Variants in CSGALNACT1 observed in about 807,000 individuals in gnomAD.
The protein encoded by CSGALNACT1 is chondroitin sulfate N-acetylgalactosaminyltransferase 1, also known as beta4GalNAcT-1.
Under a neutral mutation model 51.0 loss-of-function variants are expected in CSGALNACT1, and 52 were observed. That is an observed-to-expected ratio of 1.02 (90% CI 0.82 to 1.29). CSGALNACT1 has a LOEUF of 1.29. Ranked by LOEUF, CSGALNACT1 falls within the 50% of genes most tolerant of loss-of-function variation. The pLI is 0.00. For synonymous variants in CSGALNACT1, 341 were observed against 254.4 expected (o/e 1.34, Z -3.24); for missense variants, 935 against 679.2 (o/e 1.38, Z -4.19).
chr8:19,464,006 G>T (rs868226351), intron 4 of CSGALNACT1, among the ~76,000 whole-genome samples: 2 of 152,160 alleles, frequency 1.3e-5, no homozygotes, highest in Admixed American at 6.5e-5. Flanking sequence ...GATAAGAAAG[G>T]CACCACTCCT....
At chr8:19,513,506 A>T (rs767615810) in intron 3 of CSGALNACT1, among the ~76,000 whole-genome samples, 20 of 148,670 alleles carry the variant, frequency 1.3e-4, no homozygotes, top group South Asian at 2.1e-4. Flanking sequence ...AGTATATACA[A>T]CCAACACCTA....
chr8:19,609,658 G>C (rs574009193), intron 1 of CSGALNACT1, among the ~76,000 whole-genome samples: 92 of 151,958 alleles, frequency 6.1e-4, no homozygotes, highest in African/African-American at 2.0e-3. Context: ...ATGGGGGTTG[G>C]GGGGTGAGAG....
intron 6 of CSGALNACT1, among the ~76,000 whole-genome samples, chr8:19,435,747 C>T (rs1262799195): frequency 6.6e-6 from 1 of 152,162 alleles, no homozygotes; most frequent in African/African-American, 2.4e-5. Flanking sequence ...CTGAGATTAA[C>T]TGAAGCTTGG....
intron 2 of CSGALNACT1, among the ~76,000 whole-genome samples, chr8:19,598,392 T>C (rs949982521): frequency 3.0e-4 from 45 of 152,238 alleles, no homozygotes; most frequent in African/African-American, 1.0e-3. Context: ...ACAGACTTTA[T>C]GGCACCCCTC....
intron 1 of CSGALNACT1, among the ~76,000 whole-genome samples, chr8:19,711,657 C>G (rs181245702): frequency 6.6e-6 from 1 of 152,278 alleles, no homozygotes; most frequent in Admixed American, 6.5e-5. Context: ...AAGCCTAACA[C>G]CTGGCAGATG....
intron 3 of CSGALNACT1, among the ~76,000 whole-genome samples, chr8:19,532,549 T>G (rs1386227462): frequency 1.3e-5 from 2 of 152,204 alleles, no homozygotes; most frequent in Non-Finnish European, 1.5e-5. Context: ...ATTATAGTTT[T>G]ACTAAACCAT....
chr8:19,511,462 A>G (rs1490777584), intron 3 of CSGALNACT1, among the ~76,000 whole-genome samples: 1 of 152,242 alleles, frequency 6.6e-6, no homozygotes, highest in Non-Finnish European at 1.5e-5. Flanking sequence ...ACCATCCTGG[A>G]GGTGTGTGGA....
At chr8:19,730,326 C>T (rs913929017) in intron 1 of CSGALNACT1, among the ~76,000 whole-genome samples, 4 of 152,102 alleles carry the variant, frequency 2.6e-5, no homozygotes, top group East Asian at 1.9e-4. Flanking sequence ...TGGCTGGCTG[C>T]GGTGGGATTT....
chr8:19,596,690 T>G (rs77815280), intron 2 of CSGALNACT1, among the ~76,000 whole-genome samples: 3,647 of 151,842 alleles, frequency 0.024, 157 homozygotes, highest in African/African-American at 0.083. Flanking sequence ...GAATAAAAAG[T>G]GATTTAAAAA....
intron 3 of CSGALNACT1, among the ~76,000 whole-genome samples, chr8:19,506,432 A>G (rs529360219): frequency 1.4e-4 from 22 of 152,346 alleles, no homozygotes; most frequent in African/African-American, 5.3e-4. Flanking sequence ...TGTATCTGGT[A>G]ATTTCTGCAT....
intron 3 of CSGALNACT1, chr8:19,532,169 A>AT (rs1054545530): frequency 1.7e-5 from 2 of 121,086 alleles, no homozygotes; most frequent in African/African-American, 7.3e-5. Context: ...GCTTTTGGAA[A>AT]TTAAAAAAAA....
intron 1 of CSGALNACT1, chr8:19,678,974 T>C (rs1364870387): frequency 6.6e-6 from 1 of 152,224 alleles, no homozygotes; most frequent in African/African-American, 2.4e-5. Flanking sequence ...TATCACTTAA[T>C]CCTGACATAA....
At chr8:19,478,705 C>T (rs1254031845) in intron 4 of CSGALNACT1, among the ~76,000 whole-genome samples, 1 of 147,584 alleles carries the variant, frequency 6.8e-6, no homozygotes, top group Non-Finnish European at 1.5e-5. Context: ...AAAATAATGA[C>T]CCCCCCTTTC....
intron 1 of CSGALNACT1, among the ~76,000 whole-genome samples, chr8:19,687,848 G>A (rs1301145232): frequency 1.3e-5 from 2 of 152,272 alleles, no homozygotes; most frequent in Non-Finnish European, 2.9e-5. Flanking sequence ...ACAATTTCTT[G>A]TAGAAGTCAG....
chr8:19,572,840 A>G (rs549004656), intron 3 of CSGALNACT1, among the ~76,000 whole-genome samples: 2 of 152,280 alleles, frequency 1.3e-5, no homozygotes, highest in South Asian at 2.1e-4. Context: ...AAAAGAGACT[A>G]TTTTTCACTC....
intron 3 of CSGALNACT1, among the ~76,000 whole-genome samples, chr8:19,564,983 A>ATGCTG (rs2041609943): frequency 2.0e-5 from 3 of 152,336 alleles, no homozygotes; most frequent in African/African-American, 7.2e-5. Flanking sequence ...ATGCTCCATC[A>ATGCTG]TGCTGTGCTG....
intron 1 of CSGALNACT1, among the ~76,000 whole-genome samples, chr8:19,735,415 C>A (rs1233493129): frequency 6.6e-6 from 1 of 152,082 alleles, no homozygotes; most frequent in Non-Finnish European, 1.5e-5. Context: ...TCAAAAAATT[C>A]TCACATTAAC....
At chr8:19,483,327 G>A (rs933285439) in intron 4 of CSGALNACT1, among the ~76,000 whole-genome samples, 1 of 152,228 alleles carries the variant, frequency 6.6e-6, no homozygotes, top group African/African-American at 2.4e-5. Flanking sequence ...AAAGGCATGT[G>A]AAGTTAAAGC....
intron 1 of CSGALNACT1, among the ~76,000 whole-genome samples, chr8:19,743,994 C>G (rs1279725380): frequency 6.6e-6 from 1 of 152,122 alleles, no homozygotes; most frequent in Non-Finnish European, 1.5e-5. Flanking sequence ...ATCCAGAAAG[C>G]TGAGGTATGT....
Sources: allele counts gnomAD v4.1 joint callset (sites outside exome capture counted in the v4.1 genomes callset), GRCh38; gene constraint gnomAD v4.1.1; transcripts MANE v1.5; gene names NCBI Gene and HGNC (gene_info 2026-07-23, HGNC 2026-07-21).